LAMC3: variants seen among roughly 807,000 people sequenced by gnomAD.
LAMC3 encodes the protein laminin subunit gamma-3.
In LAMC3, 128 loss-of-function variants were observed where a neutral mutation model predicts 173.8. That is an observed-to-expected ratio of 0.74 (90% CI 0.64 to 0.85). LAMC3 has a LOEUF of 0.85. Among genes scored for constraint, LAMC3 ranks in the 40% least tolerant of loss-of-function variants. LAMC3 has a pLI of 0.00. For synonymous variants in LAMC3, 897 were observed against 909.1 expected (o/e 0.99, Z 0.24); for missense variants, 2,022 against 2,156.0 (o/e 0.94, Z 1.23).
In LAMC3 at chr9:131,020,584, G is replaced by C. The variant is rs142081320; in HGVS notation, c.374-5701G>C. Reference sequence around the variant, plus strand: ...GTGTTAAGAAGGATTCTGAGGTACAGTCTGAGCCAAAACATGACTGAGACA... The same window carrying C: ...GTGTTAAGAAGGATTCTGAGGTACACTCTGAGCCAAAACATGACTGAGACA... On this transcript the variant is annotated intron_variant, in intron 1 of 27. Transcript: ENST00000361069. Among the ~76,000 whole-genome samples, 4 of 152,360 alleles carry C rather than the reference G, an allele frequency of 2.6e-5. No individual in the cohort carries two copies. The East Asian group carries it at 7.7e-4, about 29-fold the overall frequency.
Position 131,009,294 on chromosome 9 carries a change from A to G in LAMC3, c.80A>G (p.Asp27Gly). The G allele has an allele frequency of 7.0e-7, 1 of 1,423,600 alleles. No homozygotes were observed. Among genetic ancestry groups the G allele is most frequent in the East Asian group, 3.1e-5 (1 of 32,186 alleles). The allele number at this position is 1,423,600 out of a possible 1,614,324, so 88.2% of individuals were successfully genotyped here. The change falls in exon 1 of 28, where the codon GAC (aspartate) becomes GGC (glycine). Residue 27 changes from aspartate to glycine, a missense_variant. By Grantham distance (94) the Asp-to-Gly change is moderately conservative. Coordinates refer to ENST00000361069, the MANE Select transcript of LAMC3 (RefSeq NM_006059.4). This position sits in a 1 kb window ranked among gnomAD's most constrained non-coding sequence, Gnocchi z 4.3. ...AAGAGMGACYDGAGRPQRCLP... is the reference protein window; with the variant it reads ...AAGAGMGACYGGAGRPQRCLP... ...GGCGCGGGCATGGGCGCGTGCTATG[A>G]CGGCGCAGGGCGCCCGCAGCGCTGC... is the stretch of plus-strand genomic sequence containing the variant.
At chr9:131,019,940 C>T (rs1833598400) in intron 1 of LAMC3, among the ~76,000 whole-genome samples, 1 of 152,088 alleles carries the variant, frequency 6.6e-6, no homozygotes, top group Admixed American at 6.5e-5. Flanking sequence ...GCTGTGTCCT[C>T]TCCAGCCAGC....
chr9:131,042,594 A>G (rs1469857584), intron 7 of LAMC3, among the ~76,000 whole-genome samples: 1 of 151,952 alleles, frequency 6.6e-6, no homozygotes, highest in Non-Finnish European at 1.5e-5. Context: ...GAGAACTATC[A>G]CAGCCTCCCC....
intron 14 of LAMC3, 138 bp from the exon 15 acceptor site, chr9:131,067,940 C>A: frequency 1.1e-6 from 1 of 931,628 alleles, no homozygotes; most frequent in African/African-American, 1.6e-5. Context: ...CTTTTTCCAG[C>A]AGTGGCGTCT....
intron 17 of LAMC3, 121 bp from the exon 18 acceptor site, chr9:131,071,363 C>T (rs560452586): frequency 1.7e-6 from 2 of 1,163,100 alleles, no homozygotes; most frequent in South Asian, 1.4e-5. Flanking sequence ...CGCTGAGGCC[C>T]AGGGGAGGAT....
rs370917516 is a variant in LAMC3, at chr9:131,077,262, G to A, written c.3705G>A (p.Val1235=). The A allele has an allele frequency of 5.9e-5, 95 of 1,613,916 alleles. No individual in the cohort carries two copies. The highest frequency in any genetic ancestry group is 7.0e-5 in the Non-Finnish European group (83 of 1,180,040). Residue 1235 remains valine (V), a synonymous_variant, in exon 22 of 28, where the codon GTG becomes GTA. Coordinates refer to ENST00000361069, the MANE Select transcript of LAMC3 (RefSeq NM_006059.4). ...VAEVLPEAES[V]LATVQQVGAD... ...AGGTGCTGCCTGAAGCGGAAAGCGT[G>A]TTGGCCACCGTGCAGCAAGTTGGCG...
At chr9:131,021,601 G>A (rs867092268) in intron 1 of LAMC3, among the ~76,000 whole-genome samples, 1 of 152,144 alleles carries the variant, frequency 6.6e-6, no homozygotes, top group African/African-American at 2.4e-5. Flanking sequence ...CCAACAAGCA[G>A]CGGTACCAGC....
intron 11 of LAMC3, among the ~76,000 whole-genome samples, chr9:131,055,528 C>T (rs1834385723): frequency 6.9e-6 from 1 of 144,148 alleles, no homozygotes; most frequent in African/African-American, 2.6e-5. Context: ...GGGTTCATGT[C>T]ATCCTCCTGC....
rs10901333 is a variant in LAMC3, at chr9:131,052,491, A to G, written c.1631A>G (p.Glu544Gly). The G allele has an allele frequency of 0.46, 747,787 of 1,611,588 alleles. 175,566 individuals are homozygous for G. The highest frequency in any genetic ancestry group is 0.52 in the African/African-American group (39,192 of 74,930). ...CAAAGCCTTCTTCTCTTGTCTTCAG[A>G]GAAGTTCCTGGGAGACCAGCGGTTC... ...PEDEEELTAP[E>G]KFLGDQRFSY... is the part of the protein sequence containing the mutation. The change falls in exon 10 of 28, where the codon GAG becomes GGG. Residue 544 changes from glutamate (E) to glycine (G), a missense_variant and splice_region_variant. Glu to Gly is a moderately conservative substitution (Grantham distance 98). Transcript: ENST00000361069.
Position 131,067,213 on chromosome 9 carries a change from C to A in LAMC3, c.2593+8C>A. The A allele has an allele frequency of 1.2e-6, 2 of 1,612,842 alleles. No individual in the cohort carries two copies. The highest frequency in any genetic ancestry group is 1.7e-6 in the Non-Finnish European group (2 of 1,179,362). ...CCGCAGACAAATGCATGCGTGAGTACCTACCTCCAGACCCCAGGGTGGCAC... is the reference window on the plus strand; with the variant it reads ...CCGCAGACAAATGCATGCGTGAGTAACTACCTCCAGACCCCAGGGTGGCAC... On this transcript the variant is annotated splice_region_variant and intron_variant, in intron 14 of 27. Transcript: ENST00000361069.
chr9:131,077,653 G>C (rs1830155477), intron 22 of LAMC3, among the ~76,000 whole-genome samples: 1 of 118,674 alleles, frequency 8.4e-6, no homozygotes, highest in Non-Finnish European at 1.6e-5. Context: ...CTCCAGCCTG[G>C]GCGACAGAGC....
At position 131,091,644 on chromosome 9, in the gene LAMC3, C is replaced by T. The variant is rs1332772679; in HGVS notation, c.4585C>T (p.Leu1529Phe). ...LGSPGSLQRK[L>F]SLLEQESQQQ... ...CTCCCCGGGGTCCTTGCAGAGGAAA[C>T]TCAGTCTGCTGGAGCAGGAATCCCA... Residue 1529 changes from leucine (L) to phenylalanine (F), a missense_variant, in exon 28 of 28, where the codon CTC becomes TTC. Transcript: ENST00000361069. 1.2e-6 allele frequency: 2 copies of T among 1,604,502 alleles called. No individual in the cohort carries two copies. Among genetic ancestry groups the T allele is most frequent in the African/African-American group, 1.3e-5 (1 of 74,980 alleles).
intron 12 of LAMC3, among the ~76,000 whole-genome samples, chr9:131,059,523 G>A (rs1466053095): frequency 1.9e-5 from 2 of 107,228 alleles, no homozygotes; most frequent in East Asian, 3.0e-4. Flanking sequence ...AAAAAAAGAC[G>A]TCAGCTGACC....
chr9:131,031,424 AG>A (rs989305334), intron 2 of LAMC3, among the ~76,000 whole-genome samples: 5 of 152,182 alleles, frequency 3.3e-5, no homozygotes, highest in African/African-American at 1.2e-4. Context: ...AGTGAGAACA[AG>A]GGGCCACAAG....
chr9:131,019,241 A>C (rs1833584897), intron 1 of LAMC3, among the ~76,000 whole-genome samples: 1 of 152,148 alleles, frequency 6.6e-6, no homozygotes. Flanking sequence ...CAGCCTAGGC[A>C]ACAGAGTGAG....
chr9:131,091,430 T>C (rs1410668513), intron 27 of LAMC3, 107 bp from the exon 28 acceptor site: 2 of 1,434,066 alleles, frequency 1.4e-6, no homozygotes, highest in African/African-American at 1.4e-5. Flanking sequence ...TGGTGGGCCA[T>C]TGGAATCCTG....
chr9:131,082,952 G>A (rs1830266342), intron 24 of LAMC3, among the ~76,000 whole-genome samples: 1 of 152,234 alleles, frequency 6.6e-6, no homozygotes, highest in Non-Finnish European at 1.5e-5. Flanking sequence ...AGGATGGGCT[G>A]GTCAGTGCTC....
intron 1 of LAMC3, among the ~76,000 whole-genome samples, chr9:131,010,893 G>A (rs1281431872): frequency 1.3e-5 from 2 of 152,180 alleles, no homozygotes; most frequent in African/African-American, 2.4e-5. Flanking sequence ...TGTTCAGCCC[G>A]ATTCCCATGT....
chr9:131,073,112 G>A (rs929765041), intron 19 of LAMC3, 133 bp from the exon 20 acceptor site: 7 of 770,942 alleles, frequency 9.1e-6, no homozygotes, highest in African/African-American at 3.4e-5. Context: ...ACTGAATGCC[G>A]ATGTTGTGGC....
Sources: gnomAD v4.1 joint callset for allele counts (sites outside exome capture counted in the v4.1 genomes callset) on GRCh38, gnomAD v4.1.1 for gene constraint, Gnocchi (gnomAD v3.1) non-coding constraint, MANE v1.5 for transcripts, NCBI Gene and HGNC (gene_info 2026-07-23, HGNC 2026-07-21) for gene names.